The following SLX4IP variants were observed in gnomAD, a reference collection of about 807,000 sequenced individuals.
SLX4IP encodes the protein protein SLX4IP.
Under a neutral mutation model 32.9 loss-of-function variants are expected in SLX4IP, and 34 were observed. The ratio of observed to expected loss-of-function variants is 1.03; its 90% CI spans 0.79 to 1.38. The LOEUF is 1.38. Ranked by LOEUF, SLX4IP falls within the 40% of genes most tolerant of loss-of-function variation. SLX4IP has a pLI of 0.00. For missense variants in SLX4IP, 444 were observed against 479.0 expected, an observed-to-expected ratio of 0.93 and a Z score of 0.68; for synonymous variants, 172 against 171.7, an observed-to-expected ratio of 1.00 and a Z score of -0.01.
rs201990578 is a variant in SLX4IP at position 10,518,490 on chromosome 20, T to TTTCC, written c.28-37682_28-37679dup. On this transcript the variant is annotated intron_variant, in intron 2 of 7. Coordinates refer to ENST00000334534, the MANE Select transcript of SLX4IP (RefSeq NM_001009608.3). ...TTCCTTTCTTTTCCTTTCCTTTCCT[T>TTTCC]TTCCTTCCTTCCTTCCTTCCTTCCT... Among the ~76,000 whole-genome samples, 336 of 65,858 alleles carry TTTCC rather than the reference T, an allele frequency of 5.1e-3. 1 individual carries two copies. Among genetic ancestry groups the TTTCC allele is most frequent in the African/African-American group, 0.012 (248 of 20,954 alleles). The allele number at this position is 65,858 out of a possible 152,430, so 43.2% of individuals were successfully genotyped here. A position where few individuals can be genotyped will look rare whatever the true frequency, so the allele number is the denominator to read the frequency against.
chr20:10,536,182 A>G (rs1215735574), intron 2 of SLX4IP, among the ~76,000 whole-genome samples: 2 of 152,154 alleles, frequency 1.3e-5, no homozygotes, highest in East Asian at 3.8e-4. Context: ...GTTTTTTGGA[A>G]TGTGACAAGT....
chr20:10,485,298 T>C (rs2065562373), intron 2 of SLX4IP, among the ~76,000 whole-genome samples: 1 of 152,054 alleles, frequency 6.6e-6, no homozygotes, highest in Non-Finnish European at 1.5e-5. Flanking sequence ...CTCTATGCAG[T>C]TGAAAATCCA....
At chr20:10,571,912 A>G (rs139014902) in intron 4 of SLX4IP, among the ~76,000 whole-genome samples, 1 of 152,254 alleles carries the variant, frequency 6.6e-6, no homozygotes, top group African/African-American at 2.4e-5. Context: ...CAAAACCACA[A>G]CTTACCCCAG....
At chr20:10,524,550 A>T (rs2065926393) in intron 2 of SLX4IP, among the ~76,000 whole-genome samples, 2 of 152,238 alleles carry the variant, frequency 1.3e-5, no homozygotes, top group African/African-American at 2.4e-5. Context: ...TTGGAAATTC[A>T]GTTTGCTATA....
At chr20:10,556,019 A>G (rs1267385278) in intron 2 of SLX4IP, among the ~76,000 whole-genome samples, 1 of 152,170 alleles carries the variant, frequency 6.6e-6, no homozygotes, top group African/African-American at 2.4e-5. Flanking sequence ...TTAACATTGC[A>G]TCTCTCCTTA....
intron 4 of SLX4IP, among the ~76,000 whole-genome samples, chr20:10,583,973 C>G (rs16991819): frequency 0.073 from 11,119 of 152,192 alleles, 619 homozygotes; most frequent in South Asian, 0.24. Flanking sequence ...AAATCTAAGT[C>G]TATGTAAGAT....
intron 3 of SLX4IP, among the ~76,000 whole-genome samples, chr20:10,559,926 G>A (rs1027545303): frequency 2.0e-5 from 3 of 152,200 alleles, no homozygotes; most frequent in Non-Finnish European, 4.4e-5. Context: ...AATAGGATTA[G>A]TGATTTCCAG....
intron 4 of SLX4IP, among the ~76,000 whole-genome samples, chr20:10,592,949 T>C (rs533234523): frequency 6.6e-6 from 1 of 152,182 alleles, no homozygotes; most frequent in South Asian, 2.1e-4. Context: ...CTTTTAAGTA[T>C]ATTATATGTT....
chr20:10,546,511 G>A (rs990073735), intron 2 of SLX4IP, among the ~76,000 whole-genome samples: 2 of 152,078 alleles, frequency 1.3e-5, no homozygotes, highest in African/African-American at 4.8e-5. Flanking sequence ...GAAAGTCTTT[G>A]GAATTTAAGA....
intron 2 of SLX4IP, among the ~76,000 whole-genome samples, chr20:10,509,630 A>G (rs1286643318): frequency 1.3e-5 from 2 of 152,140 alleles, no homozygotes; most frequent in Non-Finnish European, 2.9e-5. Flanking sequence ...AAAGATGTTC[A>G]TTGCAGCATT....
chr20:10,503,781 G>A (rs1215221674), intron 2 of SLX4IP, among the ~76,000 whole-genome samples: 1 of 152,100 alleles, frequency 6.6e-6, no homozygotes, highest in Non-Finnish European at 1.5e-5. Context: ...TCTAGTTTTG[G>A]TGTTTGTTGG....
At chr20:10,546,749 T>C (rs1170755577) in intron 2 of SLX4IP, among the ~76,000 whole-genome samples, 2 of 152,188 alleles carry the variant, frequency 1.3e-5, no homozygotes. Flanking sequence ...GTCAGGTCTG[T>C]GCTGAACCAG....
rs1189635532 is a variant in SLX4IP, at chr20:10,626,235, C to T, written c.*2856C>T. ...TTTTTTAGCAGAAACGGGTTTTCAC[C>T]GTGTTGGCCAGGGTGGTCTCGATCT... On this transcript the variant is annotated 3_prime_UTR_variant, in exon 8 of 8. Transcript: ENST00000334534. 7.2e-6 allele frequency: 1 copy of T among 138,336 alleles called. No homozygotes were observed. Among genetic ancestry groups the T allele is most frequent in the African/African-American group, 2.7e-5 (1 of 37,178 alleles). 8.6% of individuals were successfully genotyped at this position (138,336 alleles called of 1,614,324 possible). A position where few individuals can be genotyped will look rare whatever the true frequency, so the allele number is the denominator to read the frequency against.
intron 2 of SLX4IP, among the ~76,000 whole-genome samples, chr20:10,529,693 G>T (rs1483940991): frequency 6.6e-6 from 1 of 150,676 alleles, no homozygotes; most frequent in Admixed American, 6.6e-5. Flanking sequence ...TCTAAGAAAG[G>T]AGGAACACCA....
chr20:10,510,840 A>G (rs1330409778), intron 2 of SLX4IP, among the ~76,000 whole-genome samples: 3 of 152,134 alleles, frequency 2.0e-5, no homozygotes, highest in Non-Finnish European at 4.4e-5. Context: ...TCTCGACCTC[A>G]TGATCCACCT....
Position 10,622,966 on chromosome 20 carries a change from C to A in SLX4IP, c.814C>A (p.Pro272Thr), listed in dbSNP as rs770738709. ...AAAGACAGGGCTTCTAAGCAGGAGC[C>A]CCGTCTGTAGCTGTGAGTCAGCATC... ...RLKTGLLSRS[P>T]VCSCESASPC... Residue 272 changes from proline (P) to threonine (T), a missense_variant, in exon 8 of 8, where the codon CCC becomes ACC. Pro to Thr is a conservative substitution (Grantham distance 38). Transcript: ENST00000334534. The A allele has an allele frequency of 6.2e-7, 1 of 1,614,136 alleles. No individual in the cohort carries two copies. Among genetic ancestry groups the A allele is most frequent in the South Asian group, 1.1e-5 (1 of 91,078 alleles).
chr20:10,487,534 C>T (rs531560358), intron 2 of SLX4IP, among the ~76,000 whole-genome samples: 79 of 152,222 alleles, frequency 5.2e-4, no homozygotes, highest in Non-Finnish European at 9.6e-4. Flanking sequence ...GTGCCACTGC[C>T]GGGATGAAGC....
rs1172082858 is a variant in SLX4IP, at chr20:10,560,700, G to A, written c.118G>A (p.Glu40Lys). The part of the protein sequence containing the change: ...TSWFSEQKKE[E>K]VCLLLKETID... The stretch of plus-strand genomic sequence containing the variant: ...ATATCTAATTTTTTATTTGCTTTAG[G>A]AAGTCTGTTTACTGTTAAAAGAAAC... Residue 40 changes from glutamate (E) to lysine (K), a missense_variant and splice_region_variant, in exon 4 of 8, where the codon GAA becomes AAA. Glu to Lys is a moderately conservative substitution (Grantham distance 56). Coordinates refer to ENST00000334534, the MANE Select transcript of SLX4IP (RefSeq NM_001009608.3). The A allele has an allele frequency of 2.6e-6, 4 of 1,566,374 alleles. No individual in the cohort carries two copies. Among genetic ancestry groups the A allele is most frequent in the Non-Finnish European group, 3.5e-6 (4 of 1,158,592 alleles).
intron 3 of SLX4IP, 124 bp downstream of exon 3, chr20:10,556,444 C>A: frequency 1.0e-6 from 1 of 952,958 alleles, no homozygotes; most frequent in Non-Finnish European, 1.6e-6. Flanking sequence ...CCTTGAAAAA[C>A]AATTGTATTC....
Sources: allele counts gnomAD v4.1 joint callset (sites outside exome capture counted in the v4.1 genomes callset), GRCh38; gene constraint gnomAD v4.1.1; transcripts MANE v1.5; gene names NCBI Gene and HGNC (gene_info 2026-07-23, HGNC 2026-07-21).